The following CELF2 variants were observed in gnomAD, a reference collection of about 807,000 sequenced individuals.
CELF2 encodes the protein CUGBP Elav-like family member 2, also known as CUG triplet repeat RNA-binding protein 2.
A neutral mutation model predicts 62.6 loss-of-function variants in CELF2; 8 were observed. The observed-to-expected ratio is 0.13, with a 90% CI of 0.07 to 0.23. The LOEUF (loss-of-function observed/expected upper bound fraction) is 0.23, where lower values mean the gene tolerates loss of function less well. Among genes scored for constraint, CELF2 ranks in the 10% least tolerant of loss-of-function variants. The pLI is 1.00. For synonymous variants in CELF2, 258 were observed against 250.0 expected (o/e 1.03, Z -0.30); for missense variants, 333 against 671.0 (o/e 0.50, Z 5.56).
At chr10:10,552,304 T>G in the CELF2 span, among the ~76,000 whole-genome samples, 1 of 152,180 alleles carries the variant, frequency 6.6e-6, no homozygotes, top group Non-Finnish European at 1.5e-5. Flanking sequence ...AATGAATGGA[T>G]AGGCAGAAAG....
intron 1 of CELF2, among the ~76,000 whole-genome samples, chr10:11,088,423 A>G (rs1000519772): frequency 6.6e-6 from 1 of 152,218 alleles, no homozygotes; most frequent in African/African-American, 2.4e-5. Flanking sequence ...ATGCTGGGCT[A>G]GGGGGTTGGA....
At chr10:10,839,391 A>C (rs1293057759) in intron 1 of CELF2, among the ~76,000 whole-genome samples, 1 of 152,222 alleles carries the variant, frequency 6.6e-6, no homozygotes, top group African/African-American at 2.4e-5. Flanking sequence ...GTTTATCTGG[A>C]AACTCCCACT....
chr10:11,280,670 G>A lies in CELF2; in HGVS notation c.841+5550G>A, dbSNP rs1374935164. Among the ~76,000 whole-genome samples the A allele has an allele frequency of 2.0e-5, 3 of 152,326 alleles. No individual in the cohort carries two copies. The highest frequency in any genetic ancestry group is 2.1e-4 in the South Asian group (1 of 4,826). On this transcript the variant is annotated intron_variant, in intron 8 of 12. Transcript: ENST00000633077. This position sits in a 1 kb window ranked among gnomAD's most constrained non-coding sequence, Gnocchi z 7.6. ...TCAGTAGCACCTAGAAGATCGGTAG[G>A]TGCAGGGATGTCCATGGGGCAGGAT...
intron 1 of CELF2, among the ~76,000 whole-genome samples, chr10:10,846,924 T>C (rs1015296321): frequency 1.3e-5 from 2 of 152,192 alleles, no homozygotes; most frequent in Non-Finnish European, 2.9e-5. Context: ...GGTTTTCTGT[T>C]TGTAATGCCT....
At chr10:10,918,383 T>A (rs1397136612) in intron 1 of CELF2, among the ~76,000 whole-genome samples, 2 of 152,238 alleles carry the variant, frequency 1.3e-5, no homozygotes, top group Non-Finnish European at 2.9e-5. Context: ...GCTGAAGGAA[T>A]GGAAACTTTC....
At chr10:11,026,901 T>C (rs2059307610) in intron 1 of CELF2, among the ~76,000 whole-genome samples, 1 of 152,110 alleles carries the variant, frequency 6.6e-6, no homozygotes, top group South Asian at 2.1e-4. Context: ...CTTCCTACAT[T>C]ATAGGAGGAG....
intron 10 of CELF2, among the ~76,000 whole-genome samples, chr10:11,320,466 C>T (rs940565276): frequency 2.6e-5 from 4 of 152,226 alleles, no homozygotes; most frequent in African/African-American, 9.6e-5. Flanking sequence ...CTGAAAACTG[C>T]ACCACTTTGA....
chr10:10,623,661 C>T, the CELF2 span, among the ~76,000 whole-genome samples: 6 of 152,016 alleles, frequency 3.9e-5, no homozygotes, highest in African/African-American at 7.2e-5. Flanking sequence ...GATGGACCCA[C>T]GATGATCCAG....
At chr10:10,712,023 A>T in the CELF2 span, among the ~76,000 whole-genome samples, 5 of 152,190 alleles carry the variant, frequency 3.3e-5, no homozygotes, top group East Asian at 9.7e-4. Context: ...TCCCAAGGCC[A>T]TCATTTTCCT....
chr10:10,945,048 GC>G lies in CELF2; in HGVS notation c.89+25050del, dbSNP rs377465751. 1.5e-3 allele frequency among the ~76,000 whole-genome samples: 225 copies of G among 152,304 alleles called. 2 individuals carry two copies. The highest frequency in any genetic ancestry group is 4.8e-3 in the African/African-American group (200 of 41,562). On this transcript the variant is annotated intron_variant, in intron 2 of 13. Transcript: ENST00000636488. ...GGATCAGCCTGAGAGGAGAGCCCAG[GC>G]TTCCATCTGAACAAGGATGGAAGCA...
the CELF2 span, among the ~76,000 whole-genome samples, chr10:10,550,242 C>G: frequency 8.5e-5 from 13 of 152,302 alleles, no homozygotes; most frequent in African/African-American, 2.4e-4. Flanking sequence ...AATATTCACT[C>G]TTCTTTAAGT....
chr10:11,304,144 T>C (rs1295582632), intron 9 of CELF2, among the ~76,000 whole-genome samples: 2 of 152,202 alleles, frequency 1.3e-5, no homozygotes, highest in East Asian at 3.9e-4. Flanking sequence ...TGGGCTAGGG[T>C]CAAGGTGTCA....
the CELF2 span, among the ~76,000 whole-genome samples, chr10:10,474,775 C>T: frequency 6.6e-6 from 1 of 152,050 alleles, no homozygotes; most frequent in Non-Finnish European, 1.5e-5. Flanking sequence ...ATTGCTGTGA[C>T]TGTTCTACGG....
rs999594838 is a variant in CELF2, at chr10:10,802,804, C to T, written c.53+3987C>T. On this transcript the variant is annotated intron_variant, in intron 1 of 13. Transcript: ENST00000636488. The stretch of plus-strand genomic sequence containing the variant: ...CTCTCTCCTGAGGAATGTCCTTCCC[C>T]ACCTCCACTTCTGTCTCCCTTTCTC... Among the ~76,000 whole-genome samples the T allele has an allele frequency of 2.0e-5, 3 of 152,162 alleles. No homozygotes were observed. The East Asian group carries it at 5.8e-4, about 29-fold the overall frequency.
chr10:10,465,309 T>C, the CELF2 span, among the ~76,000 whole-genome samples: 1 of 152,068 alleles, frequency 6.6e-6, no homozygotes, highest in African/African-American at 2.4e-5. Flanking sequence ...GGAATTACAA[T>C]GTAGTAAGAA....
the CELF2 span, among the ~76,000 whole-genome samples, chr10:10,660,049 G>A: frequency 6.6e-6 from 1 of 152,266 alleles, no homozygotes; most frequent in Middle Eastern, 3.4e-3. Flanking sequence ...ATAGAGAAAG[G>A]GGCCATGAGC....
chr10:11,191,952 A>G lies in CELF2; in HGVS notation c.272-25473A>G, dbSNP rs2076376166. ...CTTAGGAACCTGGCAACCCCAGGGA[A>G]TTTTCCTGACAAGTCAGTGTCATTT... On this transcript the variant is annotated intron_variant, in intron 2 of 12. Coordinates refer to ENST00000633077, the MANE Select transcript of CELF2 (RefSeq NM_001326342.2). The surrounding 1 kb of genome is among the most constrained non-coding windows in gnomAD (Gnocchi z 4.1). Among the ~76,000 whole-genome samples the G allele has an allele frequency of 6.6e-6, 1 of 152,142 alleles. No homozygotes were observed.
chr10:11,000,200 G>C (rs964010755), intron 2 of CELF2, among the ~76,000 whole-genome samples: 1 of 151,752 alleles, frequency 6.6e-6, no homozygotes, highest in African/African-American at 2.4e-5. Context: ...CATTATCCAT[G>C]ATAGTTTATT....
At chr10:10,748,566 G>C in the CELF2 span, among the ~76,000 whole-genome samples, 1 of 151,778 alleles carries the variant, frequency 6.6e-6, no homozygotes, top group Non-Finnish European at 1.5e-5. Flanking sequence ...GGCTAGCACA[G>C]TGAAACCCTG....
Sources: gnomAD v4.1 joint callset for allele counts (sites outside exome capture counted in the v4.1 genomes callset) on GRCh38, gnomAD v4.1.1 for gene constraint, Gnocchi (gnomAD v3.1) non-coding constraint, MANE v1.5 for transcripts, NCBI Gene and HGNC (gene_info 2026-07-23, HGNC 2026-07-21) for gene names.